PACSIN1: variants seen among roughly 807,000 people sequenced by gnomAD.
PACSIN1 encodes protein kinase C and casein kinase substrate in neurons protein 1.
Under a neutral mutation model 59.5 loss-of-function variants are expected in PACSIN1, and 15 were observed. The observed-to-expected ratio is 0.25, with a 90% CI of 0.17 to 0.39. PACSIN1 has a LOEUF of 0.39. PACSIN1 is among the 10% of genes least tolerant of loss of function. PACSIN1 has a pLI of 1.00. For missense variants in PACSIN1, 420 were observed against 580.2 expected (o/e 0.72, Z 2.84); for synonymous variants, 210 against 220.6 (o/e 0.95, Z 0.42).
intron 1 of PACSIN1, among the ~76,000 whole-genome samples, chr6:34,502,312 C>CT (rs1257481022): frequency 1.3e-5 from 2 of 152,108 alleles, no homozygotes; most frequent in Non-Finnish European, 2.9e-5. Flanking sequence ...GAGTTACCAT[C>CT]TAAGTGGGTC....
At chr6:34,490,319 C>T (rs1245678690) in intron 1 of PACSIN1, among the ~76,000 whole-genome samples, 13 of 146,782 alleles carry the variant, frequency 8.9e-5, no homozygotes, top group Admixed American at 3.5e-4. Context: ...CTCCCACTTA[C>T]GCCTCCCAAA....
chr6:34,507,570 T>C (rs932464605), intron 1 of PACSIN1, among the ~76,000 whole-genome samples: 3 of 148,712 alleles, frequency 2.0e-5, no homozygotes, highest in Non-Finnish European at 3.0e-5. Flanking sequence ...AAAACCCACA[T>C]AACATGAGAT....
chr6:34,491,487 G>A (rs929961444), intron 1 of PACSIN1, among the ~76,000 whole-genome samples: 10 of 152,256 alleles, frequency 6.6e-5, no homozygotes, highest in African/African-American at 2.4e-4. Context: ...CACCAACTGG[G>A]GTAGGTTAGG....
At chr6:34,523,762 A>G (rs1354582039) in intron 1 of PACSIN1, among the ~76,000 whole-genome samples, 1 of 152,108 alleles carries the variant, frequency 6.6e-6, no homozygotes, top group Non-Finnish European at 1.5e-5. Context: ...GCCTGCCCCT[A>G]GGGTGGGGGT....
At chr6:34,486,718 G>A (rs992351766) in intron 1 of PACSIN1, among the ~76,000 whole-genome samples, 3 of 152,094 alleles carry the variant, frequency 2.0e-5, no homozygotes, top group Admixed American at 1.3e-4. Context: ...TCCTCCGTGG[G>A]CCCCTCTCTT....
At chr6:34,509,660 A>C (rs1196849989) in intron 1 of PACSIN1, among the ~76,000 whole-genome samples, 1 of 152,120 alleles carries the variant, frequency 6.6e-6, no homozygotes, top group Non-Finnish European at 1.5e-5. Flanking sequence ...AGTAGTATGG[A>C]TATTTTAAGA....
At chr6:34,475,549 G>T (rs775677396) in intron 1 of PACSIN1, among the ~76,000 whole-genome samples, 1 of 152,208 alleles carries the variant, frequency 6.6e-6, no homozygotes, top group Admixed American at 6.5e-5. Flanking sequence ...AAGGGGCCAG[G>T]CCTTTGTAGC....
chr6:34,517,095 G>A (rs145938803), intron 1 of PACSIN1, among the ~76,000 whole-genome samples: 101 of 152,258 alleles, frequency 6.6e-4, no homozygotes, highest in East Asian at 6.4e-3. Flanking sequence ...TTCCTCCCTC[G>A]GTATCCCCAG....
chr6:34,478,527 C>G (rs1023789480), intron 1 of PACSIN1, among the ~76,000 whole-genome samples: 22 of 151,598 alleles, frequency 1.5e-4, no homozygotes, highest in African/African-American at 5.3e-4. Context: ...CATGCGTCAC[C>G]ACACCTGGCT....
At chr6:34,493,330 G>A (rs898646782) in intron 1 of PACSIN1, among the ~76,000 whole-genome samples, 1 of 152,218 alleles carries the variant, frequency 6.6e-6, no homozygotes, top group African/African-American at 2.4e-5. Context: ...TGGTGGACAC[G>A]TAGGTTGTTT....
chr6:34,483,102 T>C (rs893716387), intron 1 of PACSIN1, among the ~76,000 whole-genome samples: 2 of 149,808 alleles, frequency 1.3e-5, no homozygotes, highest in East Asian at 2.0e-4. Context: ...CTTCCTGGGC[T>C]CAAGTGATCC....
intron 1 of PACSIN1, among the ~76,000 whole-genome samples, chr6:34,503,443 G>A (rs751672216): frequency 1.3e-5 from 2 of 152,186 alleles, no homozygotes; most frequent in South Asian, 4.1e-4. Context: ...AACACCAGAT[G>A]GAAGTCAGAG....
rs747326298 is a variant in PACSIN1 at position 34,530,198 on chromosome 6, A to G, written c.789-45A>G. On this transcript the variant is annotated intron_variant, in intron 6 of 9. Coordinates refer to ENST00000244458, the MANE Select transcript of PACSIN1 (RefSeq NM_020804.5). This position sits in a 1 kb window ranked among gnomAD's most constrained non-coding sequence, Gnocchi z 4.4. Reference sequence around the variant, plus strand: ...CTCTCACCAAGGTTGAGGAGGGGCCATGTTGAATCTGTGCCCTCCACCTCC... The same window carrying G: ...CTCTCACCAAGGTTGAGGAGGGGCCGTGTTGAATCTGTGCCCTCCACCTCC... The G allele has an allele frequency of 1.9e-6, 3 of 1,572,864 alleles. No homozygotes were observed. Among genetic ancestry groups the G allele is most frequent in the Admixed American group, 3.5e-5 (2 of 57,504 alleles).
chr6:34,513,491 C>T (rs1321038728), intron 1 of PACSIN1, among the ~76,000 whole-genome samples: 1 of 152,110 alleles, frequency 6.6e-6, no homozygotes, highest in Non-Finnish European at 1.5e-5. Flanking sequence ...GCTGTGTGTC[C>T]TGGGCCCCAG....
In PACSIN1 at chr6:34,530,805, G is replaced by A. The variant is rs897511961; in HGVS notation, c.1037+218G>A. Among the ~76,000 whole-genome samples the A allele has an allele frequency of 6.6e-6, 1 of 152,212 alleles. No homozygotes were observed. Among genetic ancestry groups the A allele is most frequent in the Non-Finnish European group, 1.5e-5 (1 of 68,034 alleles). ...ACAATTTTTCCACGGATGGGAGCGG[G>A]GTGGTTTTCGGATGAAACTGTTCCA... On this transcript the variant is annotated intron_variant, in intron 8 of 9. Coordinates refer to ENST00000244458, the MANE Select transcript of PACSIN1 (RefSeq NM_020804.5). The surrounding 1 kb of genome is among the most constrained non-coding windows in gnomAD (Gnocchi z 4.4).
At chr6:34,527,881 C>A (rs1767518951) in intron 3 of PACSIN1, among the ~76,000 whole-genome samples, 1 of 152,158 alleles carries the variant, frequency 6.6e-6, no homozygotes, top group Admixed American at 6.5e-5. Flanking sequence ...CCCCTAAATT[C>A]TTCATGTATC....
At chr6:34,470,118 C>T (rs1766550743) in intron 1 of PACSIN1, among the ~76,000 whole-genome samples, 1 of 152,146 alleles carries the variant, frequency 6.6e-6, no homozygotes, top group Admixed American at 6.6e-5. Context: ...AGACCTCAAC[C>T]TTGGGTGTGA....
In PACSIN1 at chr6:34,522,182, C is replaced by G. The variant is rs949261639; in HGVS notation, c.-63-4061C>G. ...CCCTCAGGGGTCCCGGGGAATGAGG[C>G]TCAGCAGGGGCCACGCAGCAGTGGC... On this transcript the variant is annotated intron_variant, in intron 1 of 9. Coordinates refer to ENST00000244458, the MANE Select transcript of PACSIN1 (RefSeq NM_020804.5). Among the ~76,000 whole-genome samples, 7 of 152,350 alleles carry G rather than the reference C, an allele frequency of 4.6e-5. No individual in the cohort carries two copies. The East Asian group carries it at 1.3e-3, about 29-fold the overall frequency.
intron 1 of PACSIN1, among the ~76,000 whole-genome samples, chr6:34,513,211 G>A (rs1420049035): frequency 6.6e-6 from 1 of 152,230 alleles, no homozygotes; most frequent in Non-Finnish European, 1.5e-5. Context: ...TCTAATACTG[G>A]AATGCTTCAT....
Sources: allele counts gnomAD v4.1 joint callset (sites outside exome capture counted in the v4.1 genomes callset), GRCh38; gene constraint gnomAD v4.1.1; non-coding constraint Gnocchi (gnomAD v3.1); transcripts MANE v1.5; gene names NCBI Gene and HGNC (gene_info 2026-07-23, HGNC 2026-07-21).